The following KIT variants were observed in gnomAD, a reference collection of about 807,000 sequenced individuals.
KIT encodes the protein KIT proto-oncogene, receptor tyrosine kinase, also known as mast/stem cell growth factor receptor Kit.
KIT carries 16 observed loss-of-function variants against 105.7 expected under a neutral mutation model. That is an observed-to-expected ratio of 0.15 (90% CI 0.10 to 0.23). The LOEUF (loss-of-function observed/expected upper bound fraction) is 0.23. Ranked by LOEUF, KIT falls within the 10% of genes least tolerant of loss-of-function variation. The probability of loss-of-function intolerance (pLI) is 1.00; values close to 1 mark genes in which losing one functional copy is unlikely to be tolerated. For missense variants in KIT, 858 were observed against 1,213.8 expected, an observed-to-expected ratio of 0.71 and a Z score of 4.36; for synonymous variants, 438 against 441.1, an observed-to-expected ratio of 0.99 and a Z score of 0.09.
At chr4:54,663,142 A>G (rs1296633932) in intron 1 of KIT, among the ~76,000 whole-genome samples, 1 of 152,160 alleles carries the variant, frequency 6.6e-6, no homozygotes, top group African/African-American at 2.4e-5. Context: ...TACCTTTCTG[A>G]CAGGTTTTCA....
intron 8 of KIT, 41 bp downstream of exon 8, chr4:54,723,739 G>A (rs1213045300): frequency 3.7e-6 from 4 of 1,093,774 alleles, no homozygotes; most frequent in African/African-American, 1.5e-5. Context: ...ATGCAGAGGG[G>A]AAGGACTGCA....
At chr4:54,729,624 T>C (rs1287348923) in intron 14 of KIT, 139 bp downstream of exon 14, 1 of 832,088 alleles carries the variant, frequency 1.2e-6, no homozygotes, top group African/African-American at 1.7e-5. Flanking sequence ...ATCATTTAAA[T>C]GTGATTAACA....
chr4:54,663,452 CT>C (rs1717443017), intron 1 of KIT, among the ~76,000 whole-genome samples: 1 of 151,946 alleles, frequency 6.6e-6, no homozygotes, highest in African/African-American at 2.4e-5. Flanking sequence ...GGCTGATTTT[CT>C]TATGTTCCCC....
At chr4:54,659,838 C>T (rs1717114506) in intron 1 of KIT, among the ~76,000 whole-genome samples, 1 of 152,130 alleles carries the variant, frequency 6.6e-6, no homozygotes, top group South Asian at 2.1e-4. Context: ...GTTTTCTTCT[C>T]CCCAATAGAT....
chr4:54,696,416 A>ATGCT (rs1720070258), intron 2 of KIT, among the ~76,000 whole-genome samples: 1 of 152,190 alleles, frequency 6.6e-6, no homozygotes, highest in South Asian at 2.1e-4. Flanking sequence ...CATGCTGGGC[A>ATGCT]GGGGTGTATC....
chr4:54,676,628 C>T (rs929081875), intron 1 of KIT, among the ~76,000 whole-genome samples: 1 of 151,068 alleles, frequency 6.6e-6, no homozygotes, highest in African/African-American at 2.5e-5. Flanking sequence ...TTTCAGAGGA[C>T]AAATACGATT....
At chr4:54,678,111 A>G (rs2109593122) in intron 1 of KIT, among the ~76,000 whole-genome samples, 1 of 152,210 alleles carries the variant, frequency 6.6e-6, no homozygotes, top group East Asian at 1.9e-4. Flanking sequence ...TAAATTTGGG[A>G]AAAATTATAA....
intron 17 of KIT, 67 bp downstream of exon 17, chr4:54,733,259 G>A (rs573926207): frequency 6.5e-7 from 1 of 1,549,946 alleles, no homozygotes; most frequent in Non-Finnish European, 8.9e-7. Context: ...GATAAAAATT[G>A]TTTCCTGTGA....
intron 1 of KIT, among the ~76,000 whole-genome samples, chr4:54,683,948 T>C (rs1719124862): frequency 2.0e-5 from 3 of 152,314 alleles, no homozygotes; most frequent in African/African-American, 7.2e-5. Flanking sequence ...CTGTCTGATT[T>C]GCCCAGAGAT....
At chr4:54,702,480 A>C (rs1318399447) in intron 4 of KIT, among the ~76,000 whole-genome samples, 1 of 152,102 alleles carries the variant, frequency 6.6e-6, no homozygotes, top group Non-Finnish European at 1.5e-5. Context: ...AGTAGTCCCA[A>C]GTGTCTAGTC....
At chr4:54,664,469 A>G (rs2109544576) in intron 1 of KIT, among the ~76,000 whole-genome samples, 1 of 152,158 alleles carries the variant, frequency 6.6e-6, no homozygotes, top group African/African-American at 2.4e-5. Flanking sequence ...GTCCAATTAG[A>G]CATACTCCCC....
intron 1 of KIT, among the ~76,000 whole-genome samples, chr4:54,678,336 CCTTCCTTCCT>C (rs1718645389): frequency 1.9e-5 from 2 of 104,288 alleles, no homozygotes; most frequent in Admixed American, 9.3e-5. Context: ...TTCCTTCCTT[CCTTCCTTCCT>C]TCCTTCCCTC....
intron 1 of KIT, among the ~76,000 whole-genome samples, chr4:54,663,243 G>T (rs6554200): frequency 6.6e-6 from 1 of 151,996 alleles, no homozygotes; most frequent in African/African-American, 2.4e-5. Flanking sequence ...AAATTGACAC[G>T]CTGGATTTTT....
intron 7 of KIT, among the ~76,000 whole-genome samples, chr4:54,717,464 A>AT (rs1721581802): frequency 6.6e-6 from 1 of 152,068 alleles, no homozygotes; most frequent in Non-Finnish European, 1.5e-5. Context: ...TGGTTTGGCC[A>AT]TTTTTTTATG....
At chr4:54,727,637 C>A in intron 11 of KIT, 95 bp downstream of exon 11, 1 of 1,518,648 alleles carries the variant, frequency 6.6e-7, no homozygotes, top group Non-Finnish European at 9.1e-7. Flanking sequence ...TTTGTTCCAC[C>A]TGAAACAATG....
At chr4:54,693,374 C>T (rs1719842633) in intron 1 of KIT, among the ~76,000 whole-genome samples, 1 of 152,172 alleles carries the variant, frequency 6.6e-6, no homozygotes, top group Admixed American at 6.5e-5. Flanking sequence ...TTTCTTAAAT[C>T]TCTCATGACC....
chr4:54,719,005 G>C (rs1328692257), intron 7 of KIT, among the ~76,000 whole-genome samples: 6 of 152,164 alleles, frequency 3.9e-5, no homozygotes, highest in African/African-American at 1.2e-4. Context: ...CCAAAACCGG[G>C]ATAGTGAAAA....
At chr4:54,684,459 T>G (rs1460167739) in intron 1 of KIT, among the ~76,000 whole-genome samples, 1 of 152,142 alleles carries the variant, frequency 6.6e-6, no homozygotes, top group East Asian at 1.9e-4. Flanking sequence ...TTAGGAGCCC[T>G]TCTAGTCATC....
intron 5 of KIT, among the ~76,000 whole-genome samples, chr4:54,704,568 A>AG (rs1332638776): frequency 1.3e-5 from 2 of 152,104 alleles, no homozygotes; most frequent in East Asian, 3.8e-4. Context: ...TAGAAATTTC[A>AG]CTAAATATTT....
Sources: allele counts gnomAD v4.1 joint callset (sites outside exome capture counted in the v4.1 genomes callset), GRCh38; gene constraint gnomAD v4.1.1; transcripts MANE v1.5; gene names NCBI Gene and HGNC (gene_info 2026-07-23, HGNC 2026-07-21).